The following MPHOSPH8 variants were observed in gnomAD, a reference collection of about 807,000 sequenced individuals.
MPHOSPH8 encodes the protein M-phase phosphoprotein, mpp.
Under a neutral mutation model 87.3 loss-of-function variants are expected in MPHOSPH8, and 45 were observed. That is an observed-to-expected ratio of 0.52 (90% CI 0.41 to 0.66). The LOEUF is 0.66. Among genes scored for constraint, MPHOSPH8 ranks in the 30% least tolerant of loss-of-function variants. The pLI is 0.00. For synonymous variants in MPHOSPH8, 366 were observed against 376.9 expected, an observed-to-expected ratio of 0.97 and a Z score of 0.33; for missense variants, 883 against 1,020.2, an observed-to-expected ratio of 0.87 and a Z score of 1.83.
intron 5 of MPHOSPH8, among the ~76,000 whole-genome samples, chr13:19,657,225 A>G (rs746544322): frequency 2.7e-5 from 4 of 147,408 alleles, no homozygotes; most frequent in Non-Finnish European, 6.0e-5. Context: ...ATTAGAAAAC[A>G]GTTTTAGGGT....
At chr13:19,662,958 G>T in intron 8 of MPHOSPH8, 82 bp from the exon 9 acceptor site, 1 of 1,222,852 alleles carries the variant, frequency 8.2e-7, no homozygotes, top group South Asian at 1.3e-5. Flanking sequence ...TATTTTTCCT[G>T]ATGACTAAAA....
intron 9 of MPHOSPH8, among the ~76,000 whole-genome samples, chr13:19,665,630 C>T (rs980038532): frequency 2.6e-5 from 4 of 152,194 alleles, no homozygotes; most frequent in African/African-American, 9.6e-5. Flanking sequence ...ACACCGTTGT[C>T]GGGGTAGTGT....
Position 19,666,574 on chromosome 13 carries a change from A to G in MPHOSPH8, c.2169A>G (p.Leu723=), listed in dbSNP as rs771006932. The G allele has an allele frequency of 5.1e-6, 8 of 1,578,664 alleles. No homozygotes were observed. In the South Asian group the frequency reaches 7.9e-5, roughly 16 times the overall value. ...VLVYDLLKNH[L]ETLSRVAEET... is the part of the protein sequence containing the mutation. The stretch of plus-strand genomic sequence containing the variant: ...TGTACGACTTGCTGAAGAACCATTT[A>G]GAGACGTAAGTGAGAAGCGACTGTG... Residue 723 remains leucine (L), a synonymous_variant, in exon 10 of 14, where the codon TTA becomes TTG. Coordinates refer to ENST00000361479, the MANE Select transcript of MPHOSPH8 (RefSeq NM_017520.4).
At chr13:19,667,830 A>C (rs201906218) in intron 10 of MPHOSPH8, among the ~76,000 whole-genome samples, 2 of 152,228 alleles carry the variant, frequency 1.3e-5, no homozygotes, top group East Asian at 3.9e-4. Flanking sequence ...TCTATCACTT[A>C]AGAACTCTTG....
chr13:19,641,439 C>T (rs1370439804), intron 1 of MPHOSPH8, among the ~76,000 whole-genome samples: 1 of 150,022 alleles, frequency 6.7e-6, no homozygotes, highest in Non-Finnish European at 1.5e-5. Context: ...TCTCCTGCCT[C>T]AGCCTCCCAA....
Position 19,672,759 on chromosome 13 carries a change from G to T in MPHOSPH8, c.*884G>T. 5.7e-6 allele frequency: 1 copy of T among 176,190 alleles called. No homozygotes were observed. Among genetic ancestry groups the T allele is most frequent in the Non-Finnish European group, 1.2e-5 (1 of 81,598 alleles). The allele number at this position is 176,190 out of a possible 1,614,324, so 10.9% of individuals were successfully genotyped here. On this transcript the variant is annotated 3_prime_UTR_variant, in exon 14 of 14. Transcript: ENST00000361479. ...GGGTAACAAGAGAATCTAAGATGTA[G>T]TAAGAATGTAAACCAGTACACTATG...
chr13:19,651,972 C>T (rs764725373), intron 5 of MPHOSPH8, among the ~76,000 whole-genome samples: 1 of 151,730 alleles, frequency 6.6e-6, no homozygotes, highest in Non-Finnish European at 1.5e-5. Context: ...CATGGTGGTG[C>T]GTGCCTGCAG....
chr13:19,635,116 AT>A (rs1260494823), intron 1 of MPHOSPH8, among the ~76,000 whole-genome samples: 1 of 152,208 alleles, frequency 6.6e-6, no homozygotes, highest in Admixed American at 6.5e-5. Flanking sequence ...TTTATGTATA[AT>A]TTCTCCAAAT....
chr13:19,655,515 C>T (rs1221406422), intron 5 of MPHOSPH8, among the ~76,000 whole-genome samples: 1 of 152,062 alleles, frequency 6.6e-6, no homozygotes, highest in African/African-American at 2.4e-5. Context: ...CCTTTAGCAG[C>T]ATGAGTTATA....
chr13:19,652,260 T>C (rs1166550128), intron 5 of MPHOSPH8, among the ~76,000 whole-genome samples: 2 of 152,108 alleles, frequency 1.3e-5, no homozygotes, highest in Non-Finnish European at 2.9e-5. Flanking sequence ...GGTTGGACAG[T>C]GGGTGCAGCC....
chr13:19,661,682 TAACAAA>T lies in MPHOSPH8; in HGVS notation c.1792-15_1792-10del. On this transcript the variant is annotated splice_polypyrimidine_tract_variant and intron_variant, in intron 7 of 13. Coordinates refer to ENST00000361479, the MANE Select transcript of MPHOSPH8 (RefSeq NM_017520.4). Reference sequence around the variant, plus strand: ...ACTAAAGATTAACACGTTTTTTATTTAACAAACCAACACAGGATTCCAGTGGAATGA... The same window carrying T: ...ACTAAAGATTAACACGTTTTTTATTTCCAACACAGGATTCCAGTGGAATGA... The T allele has an allele frequency of 6.4e-7, 1 of 1,572,824 alleles. No homozygotes were observed. The highest frequency in any genetic ancestry group is 1.4e-5 in the African/African-American group (1 of 73,538).
Position 19,646,794 on chromosome 13 carries a change from A to G in MPHOSPH8, c.721A>G (p.Lys241Glu), listed in dbSNP as rs1312490204. 1 of 1,582,214 alleles carries G rather than the reference A, an allele frequency of 6.3e-7. No individual in the cohort carries two copies. Among genetic ancestry groups the G allele is most frequent in the Non-Finnish European group, 8.6e-7 (1 of 1,169,408 alleles). ...GGGTGAAATAAGAGATTTAAAGACG[A>G]AAACAAGAGAAGATCCCAAAGAAAA... ...KKGEIRDLKT[K>E]TREDPKENRK... Residue 241 changes from lysine (K) to glutamate (E), a missense_variant, in exon 3 of 14, where the codon AAA becomes GAA. Coordinates refer to ENST00000361479, the MANE Select transcript of MPHOSPH8 (RefSeq NM_017520.4).
chr13:19,669,246 A>T (rs548547970), intron 11 of MPHOSPH8, among the ~76,000 whole-genome samples: 1 of 152,262 alleles, frequency 6.6e-6, no homozygotes, highest in Non-Finnish European at 1.5e-5. Flanking sequence ...GCATGGCATG[A>T]TCTTGGCTCA....
intron 2 of MPHOSPH8, among the ~76,000 whole-genome samples, chr13:19,646,053 G>A (rs1874546242): frequency 6.6e-6 from 1 of 151,946 alleles, no homozygotes; most frequent in Admixed American, 6.6e-5. Context: ...CTTAGAAAAC[G>A]TTTTGTATTT....
intron 1 of MPHOSPH8, 24 bp from the exon 2 acceptor site, chr13:19,642,090 TG>T (rs1727338566): frequency 6.8e-7 from 1 of 1,466,034 alleles, no homozygotes; most frequent in African/African-American, 1.5e-5. Flanking sequence ...CTGCTTTATT[TG>T]CCTCCTTTTA....
chr13:19,647,512 A>G lies in MPHOSPH8; in HGVS notation c.1218+221A>G, dbSNP rs1684191682. On this transcript the variant is annotated intron_variant, in intron 3 of 13. Transcript: ENST00000361479. ...AAAATTAAAGGCTAATTTGTGAACA[A>G]AAATCAGGATGGTTTTTAGAGGTAC... is the stretch of plus-strand genomic sequence containing the variant. 3.3e-5 allele frequency among the ~76,000 whole-genome samples: 5 copies of G among 152,358 alleles called. No individual in the cohort carries two copies. The South Asian group carries it at 1.0e-3, about 32-fold the overall frequency.
intron 1 of MPHOSPH8, among the ~76,000 whole-genome samples, chr13:19,634,576 C>T (rs945638826): frequency 6.6e-6 from 1 of 152,206 alleles, no homozygotes; most frequent in African/African-American, 2.4e-5. Flanking sequence ...CTGCCCTCTT[C>T]TTCTGGTGAA....
intron 7 of MPHOSPH8, among the ~76,000 whole-genome samples, chr13:19,659,955 ATTTTTTTT>A (rs34817892): frequency 1.7e-5 from 1 of 59,134 alleles, no homozygotes; most frequent in Admixed American, 2.5e-4. Flanking sequence ...ATATGTATGG[ATTTTTTTT>A]TTTTTTTTTT....
intron 11 of MPHOSPH8, 33 bp from the exon 12 acceptor site, chr13:19,670,203 T>G (rs771438015): frequency 6.2e-6 from 10 of 1,613,394 alleles, no homozygotes; most frequent in Non-Finnish European, 8.5e-6. Flanking sequence ...AAGGTTGCCT[T>G]TGAAGTAATT....
Sources: allele counts gnomAD v4.1 joint callset (sites outside exome capture counted in the v4.1 genomes callset), GRCh38; gene constraint gnomAD v4.1.1; transcripts MANE v1.5; gene names NCBI Gene and HGNC (gene_info 2026-07-23, HGNC 2026-07-21).